Variants in GRID2 observed in about 807,000 individuals in gnomAD.
GRID2 encodes glutamate receptor ionotropic, delta-2.
A neutral mutation model predicts 114.8 loss-of-function variants in GRID2; 33 were observed. The observed-to-expected ratio is 0.29, with a 90% CI of 0.22 to 0.38. The LOEUF is 0.38. GRID2 is among the 10% of genes least tolerant of loss of function. The probability of loss-of-function intolerance (pLI) is 1.00; values close to 1 mark genes in which losing one functional copy is unlikely to be tolerated. For synonymous variants in GRID2, 505 were observed against 449.9 expected, an observed-to-expected ratio of 1.12 and a Z score of -1.55; for missense variants, 1,184 against 1,257.7, an observed-to-expected ratio of 0.94 and a Z score of 0.89.
chr4:92,463,771 T>C (rs1402221644), intron 1 of GRID2, among the ~76,000 whole-genome samples: 1 of 152,028 alleles, frequency 6.6e-6, no homozygotes, highest in African/African-American at 2.4e-5. Context: ...CTGCTGCTAC[T>C]ATTTTAATAG....
At chr4:93,490,094 A>T (rs1253273234) in intron 11 of GRID2, among the ~76,000 whole-genome samples, 1 of 151,928 alleles carries the variant, frequency 6.6e-6, no homozygotes, top group Non-Finnish European at 1.5e-5. Flanking sequence ...GGAGAAGAGG[A>T]TTCTGCAACA....
intron 2 of GRID2, among the ~76,000 whole-genome samples, chr4:92,659,497 A>C (rs1319320610): frequency 6.6e-6 from 1 of 151,604 alleles, no homozygotes; most frequent in Non-Finnish European, 1.5e-5. Context: ...AGATAATTTT[A>C]TTTAAGTGCA....
At chr4:93,696,712 C>T (rs1307580436) in intron 14 of GRID2, among the ~76,000 whole-genome samples, 1 of 152,122 alleles carries the variant, frequency 6.6e-6, no homozygotes, top group African/African-American at 2.4e-5. Context: ...AAGTGCAATA[C>T]TCTGCCATAA....
intron 2 of GRID2, among the ~76,000 whole-genome samples, chr4:92,693,176 A>G (rs1240007770): frequency 6.6e-6 from 1 of 152,104 alleles, no homozygotes; most frequent in Non-Finnish European, 1.5e-5. Context: ...AATAGACTTC[A>G]AAATGGAAAC....
chr4:93,349,436 C>A (rs1760571608), intron 8 of GRID2, among the ~76,000 whole-genome samples: 1 of 151,792 alleles, frequency 6.6e-6, no homozygotes, highest in South Asian at 2.1e-4. Flanking sequence ...TGAATATTTT[C>A]TATATTTCTT....
At chr4:92,576,765 C>T (rs769992806) in intron 1 of GRID2, among the ~76,000 whole-genome samples, 9 of 152,138 alleles carry the variant, frequency 5.9e-5, no homozygotes, top group Non-Finnish European at 7.3e-5. Flanking sequence ...AATCACTCAT[C>T]GCTTCCCTTA....
At chr4:92,794,874 T>TTATATATATATATATATATA (rs34559735) in intron 2 of GRID2, among the ~76,000 whole-genome samples, 61 of 106,012 alleles carry the variant, frequency 5.8e-4, no homozygotes, top group African/African-American at 1.4e-3. Flanking sequence ...AATAATTGTT[T>TTATATATATATATATATATA]TATATATATA....
chr4:92,536,921 G>A (rs1327820494), intron 1 of GRID2, among the ~76,000 whole-genome samples: 2 of 152,086 alleles, frequency 1.3e-5, no homozygotes, highest in South Asian at 2.1e-4. Context: ...GTATTTATTA[G>A]CCAGTGCCTT....
At chr4:92,881,228 A>G (rs901915248) in intron 2 of GRID2, among the ~76,000 whole-genome samples, 1 of 152,146 alleles carries the variant, frequency 6.6e-6, no homozygotes, top group African/African-American at 2.4e-5. Context: ...CAATAAAAAT[A>G]CACTCACTCA....
chr4:93,354,742 G>A (rs999267271), intron 8 of GRID2, among the ~76,000 whole-genome samples: 1 of 143,094 alleles, frequency 7.0e-6, no homozygotes, highest in Admixed American at 7.2e-5. Flanking sequence ...TAATATTTAT[G>A]TATATGTATA....
chr4:93,566,720 A>G (rs1383674509), intron 13 of GRID2, among the ~76,000 whole-genome samples: 1 of 152,090 alleles, frequency 6.6e-6, no homozygotes, highest in Non-Finnish European at 1.5e-5. Flanking sequence ...CAGTGAGCCA[A>G]GCTTGCCCCT....
chr4:93,528,697 A>G lies in GRID2; in HGVS notation c.2193+13286A>G, dbSNP rs535711480. Among the ~76,000 whole-genome samples, 5 of 152,270 alleles carry G rather than the reference A, an allele frequency of 3.3e-5. No homozygotes were observed. In the East Asian group the frequency reaches 9.7e-4, roughly 29 times the overall value. On this transcript the variant is annotated intron_variant, in intron 13 of 15. Coordinates refer to ENST00000282020, the MANE Select transcript of GRID2 (RefSeq NM_001510.4). Reference sequence around the variant, plus strand: ...CTCATCCCAGTAGTGATTCTCAAAGACAGAAGAGACCAATAACCTATTAAC... The same window carrying G: ...CTCATCCCAGTAGTGATTCTCAAAGGCAGAAGAGACCAATAACCTATTAAC...
intron 8 of GRID2, among the ~76,000 whole-genome samples, chr4:93,259,111 C>T (rs2149545702): frequency 6.6e-6 from 1 of 151,848 alleles, no homozygotes; most frequent in South Asian, 2.1e-4. Flanking sequence ...TGGTGACATT[C>T]TCAGAGTGTA....
intron 2 of GRID2, among the ~76,000 whole-genome samples, chr4:92,683,640 C>T (rs1733757905): frequency 6.6e-6 from 1 of 151,262 alleles, no homozygotes; most frequent in Non-Finnish European, 1.5e-5. Flanking sequence ...ATATAGTTAT[C>T]TTTAGTTTTT....
intron 2 of GRID2, among the ~76,000 whole-genome samples, chr4:92,971,727 A>G (rs1000215155): frequency 2.6e-5 from 4 of 151,934 alleles, no homozygotes; most frequent in African/African-American, 7.3e-5. Context: ...AATAACCACA[A>G]TTCTGCTCCC....
rs201554780 is a variant in GRID2, at chr4:92,866,544, C to CT, written c.245-218439dup. On this transcript the variant is annotated intron_variant, in intron 2 of 15. Coordinates refer to ENST00000282020, the MANE Select transcript of GRID2 (RefSeq NM_001510.4). ...GTTGTTAGAAATCATTGATGTTATC[C>CT]TTTTTTTTTTTTCTTCTGAGATGGA... 6.8e-3 allele frequency among the ~76,000 whole-genome samples: 994 copies of CT among 145,310 alleles called. 9 individuals carry two copies. Among genetic ancestry groups the CT allele is most frequent in the African/African-American group, 0.022 (863 of 39,868 alleles).
intron 8 of GRID2, among the ~76,000 whole-genome samples, chr4:93,348,089 G>C (rs1347092468): frequency 6.6e-6 from 1 of 152,022 alleles, no homozygotes; most frequent in African/African-American, 2.4e-5. Context: ...TTCTGTAATG[G>C]CACAAAGATT....
At chr4:93,782,740 T>C (rs1008491426) in intron 1 of GRID2, among the ~76,000 whole-genome samples, 1 of 152,212 alleles carries the variant, frequency 6.6e-6, no homozygotes, top group African/African-American at 2.4e-5. Context: ...AAAAATATCG[T>C]ATATCAAATA....
intron 9 of GRID2, among the ~76,000 whole-genome samples, chr4:93,415,991 A>G (rs1479228175): frequency 6.6e-6 from 1 of 151,996 alleles, no homozygotes; most frequent in Non-Finnish European, 1.5e-5. Context: ...AGTTTAATGT[A>G]TTATTTATAA....
Sources: allele counts gnomAD v4.1 joint callset (sites outside exome capture counted in the v4.1 genomes callset), GRCh38; gene constraint gnomAD v4.1.1; transcripts MANE v1.5; gene names NCBI Gene and HGNC (gene_info 2026-07-23, HGNC 2026-07-21).